Variants in KHDRBS2 observed in about 807,000 individuals in gnomAD.
KHDRBS2 encodes KH RNA binding domain containing, signal transduction associated 2.
In KHDRBS2, 26 loss-of-function variants were observed where a neutral mutation model predicts 44.3. The observed-to-expected ratio is 0.59, with a 90% CI of 0.43 to 0.81. The LOEUF is 0.81. Ranked by LOEUF, KHDRBS2 falls within the 40% of genes least tolerant of loss-of-function variation. The probability of loss-of-function intolerance (pLI) is 0.00; values close to 1 mark genes in which losing one functional copy is unlikely to be tolerated. For missense variants in KHDRBS2, 476 were observed against 433.1 expected, an observed-to-expected ratio of 1.10 and a Z score of -0.88; for synonymous variants, 194 against 151.1, an observed-to-expected ratio of 1.28 and a Z score of -2.08.
chr6:61,836,817 G>C (rs1562273385), intron 6 of KHDRBS2, among the ~76,000 whole-genome samples: 2 of 151,934 alleles, frequency 1.3e-5, no homozygotes, highest in African/African-American at 2.4e-5. Flanking sequence ...GCAATCCAAA[G>C]TCATCATATT....
the KHDRBS2 span, among the ~76,000 whole-genome samples, chr6:61,548,818 A>ATC: frequency 6.6e-6 from 1 of 152,112 alleles, no homozygotes; most frequent in Non-Finnish European, 1.5e-5. Context: ...AAAAACACAA[A>ATC]TCATTGGCCA....
At chr6:61,716,858 G>C (rs551191027) in intron 7 of KHDRBS2, among the ~76,000 whole-genome samples, 6 of 152,152 alleles carry the variant, frequency 3.9e-5, no homozygotes, top group Admixed American at 2.0e-4. Context: ...GGTTCTTTCA[G>C]AATTTAGGAT....
At chr6:61,742,160 C>T (rs928204131) in intron 6 of KHDRBS2, among the ~76,000 whole-genome samples, 1 of 151,822 alleles carries the variant, frequency 6.6e-6, no homozygotes, top group African/African-American at 2.4e-5. Context: ...GCAAATGCTG[C>T]CCTTTAATAT....
intron 7 of KHDRBS2, among the ~76,000 whole-genome samples, chr6:61,713,404 T>C (rs1316414066): frequency 1.3e-5 from 2 of 151,808 alleles, no homozygotes; most frequent in African/African-American, 4.8e-5. Flanking sequence ...AATTTGATTT[T>C]TCTTTTCTGA....
At chr6:61,784,281 C>G (rs1419397162) in intron 6 of KHDRBS2, among the ~76,000 whole-genome samples, 1 of 151,596 alleles carries the variant, frequency 6.6e-6, no homozygotes, top group East Asian at 1.9e-4. Flanking sequence ...ATTTATTACT[C>G]TAATTATTAT....
chr6:61,663,927 TC>T, the KHDRBS2 span, among the ~76,000 whole-genome samples: 1 of 151,638 alleles, frequency 6.6e-6, no homozygotes, highest in Non-Finnish European at 1.5e-5. Flanking sequence ...AAATGTACAC[TC>T]ATGTAAAAAT....
At chr6:61,772,237 C>A (rs1015984877) in intron 6 of KHDRBS2, among the ~76,000 whole-genome samples, 8 of 152,094 alleles carry the variant, frequency 5.3e-5, no homozygotes, top group African/African-American at 1.9e-4. Flanking sequence ...AAAATTGACA[C>A]CCTAACATCA....
chr6:61,604,369 C>A, the KHDRBS2 span, among the ~76,000 whole-genome samples: 1 of 152,172 alleles, frequency 6.6e-6, no homozygotes, highest in African/African-American at 2.4e-5. Context: ...CAACTTTTAT[C>A]CCTCATGGCA....
intron 1 of KHDRBS2, among the ~76,000 whole-genome samples, chr6:62,212,518 G>C (rs484791): frequency 0.8 from 121,069 of 152,048 alleles, 48,813 homozygotes; most frequent in African/African-American, 0.92. Flanking sequence ...AGTATTATTG[G>C]AGTTGTAGTT....
intron 1 of KHDRBS2, among the ~76,000 whole-genome samples, chr6:62,285,373 T>G (rs1842343012): frequency 6.6e-6 from 1 of 152,226 alleles, no homozygotes; most frequent in Non-Finnish European, 1.5e-5. Flanking sequence ...GTTTAATGCA[T>G]AGGTTAATTC....
At chr6:62,120,888 C>T (rs1807470573) in intron 2 of KHDRBS2, among the ~76,000 whole-genome samples, 1 of 152,120 alleles carries the variant, frequency 6.6e-6, no homozygotes, top group South Asian at 2.1e-4. Context: ...CTATCCTTCC[C>T]CAACAAGACC....
At chr6:62,256,994 T>C (rs1563145422) in intron 1 of KHDRBS2, among the ~76,000 whole-genome samples, 1 of 152,238 alleles carries the variant, frequency 6.6e-6, no homozygotes, top group East Asian at 1.9e-4. Context: ...TCCTATGCCA[T>C]GTGCTTTATT....
chr6:61,901,600 G>C (rs963153215), intron 4 of KHDRBS2, among the ~76,000 whole-genome samples: 1 of 152,142 alleles, frequency 6.6e-6, no homozygotes, highest in African/African-American at 2.4e-5. Context: ...AAAGTACTCA[G>C]CAGGACATCA....
chr6:62,250,742 C>T (rs1288573830), intron 1 of KHDRBS2, among the ~76,000 whole-genome samples: 1 of 151,812 alleles, frequency 6.6e-6, no homozygotes, highest in African/African-American at 2.4e-5. Context: ...ATTGAAGCGT[C>T]TCATCACAGA....
chr6:61,582,238 G>T, the KHDRBS2 span, among the ~76,000 whole-genome samples: 1 of 151,556 alleles, frequency 6.6e-6, no homozygotes, highest in Non-Finnish European at 1.5e-5. Context: ...AGGAAAATAA[G>T]AAGCAGTAAA....
intron 8 of KHDRBS2, among the ~76,000 whole-genome samples, chr6:61,691,675 A>G (rs1258694187): frequency 1.3e-5 from 2 of 152,078 alleles, no homozygotes; most frequent in African/African-American, 2.4e-5. Context: ...TCTATTTACT[A>G]TTAAAAATAG....
At chr6:62,279,091 C>T (rs963117804) in intron 1 of KHDRBS2, among the ~76,000 whole-genome samples, 41 of 151,486 alleles carry the variant, frequency 2.7e-4, no homozygotes, top group African/African-American at 8.7e-4. Context: ...CAGACTCCAT[C>T]TCAAAAAATA....
At chr6:61,743,237 C>A (rs778082189) in intron 6 of KHDRBS2, among the ~76,000 whole-genome samples, 1 of 152,086 alleles carries the variant, frequency 6.6e-6, no homozygotes, top group South Asian at 2.1e-4. Context: ...GTATGTGACA[C>A]ACTTACATAC....
intron 1 of KHDRBS2, among the ~76,000 whole-genome samples, chr6:62,193,796 T>C (rs1825077928): frequency 6.6e-6 from 1 of 152,140 alleles, no homozygotes; most frequent in Non-Finnish European, 1.5e-5. Flanking sequence ...GTTATTTCAT[T>C]GAGGATTTGA....
Sources: gnomAD v4.1 joint callset for allele counts (sites outside exome capture counted in the v4.1 genomes callset) on GRCh38, gnomAD v4.1.1 for gene constraint, MANE v1.5 for transcripts, NCBI Gene and HGNC (gene_info 2026-07-23, HGNC 2026-07-21) for gene names.